Variants in SHISA9 observed in about 807,000 individuals in gnomAD.
The protein encoded by SHISA9 is protein shisa-9.
A neutral mutation model predicts 38.0 loss-of-function variants in SHISA9; 13 were observed. The observed-to-expected ratio is 0.34, with a 90% CI of 0.22 to 0.54. SHISA9 has a LOEUF of 0.54. Ranked by LOEUF, SHISA9 falls within the 20% of genes least tolerant of loss-of-function variation. The pLI is 0.91. For synonymous variants in SHISA9, 275 were observed against 242.0 expected (o/e 1.14, Z -1.27); for missense variants, 538 against 575.8 (o/e 0.93, Z 0.67).
chr16:13,561,071 C>T, the SHISA9 span, among the ~76,000 whole-genome samples: 3 of 152,114 alleles, frequency 2.0e-5, no homozygotes, highest in African/African-American at 7.2e-5. Flanking sequence ...ACCATGTTGG[C>T]CAGGCTGGTC....
intron 2 of SHISA9, among the ~76,000 whole-genome samples, chr16:13,108,971 G>C (rs251921): frequency 0.63 from 95,563 of 152,046 alleles, 31,096 homozygotes; most frequent in African/African-American, 0.78. Flanking sequence ...TTCTCCAGGG[G>C]TGTGACAGGT....
At chr16:13,497,685 C>CAA in the SHISA9 span, among the ~76,000 whole-genome samples, 425 of 106,210 alleles carry the variant, frequency 4.0e-3, 7 homozygotes, top group East Asian at 0.026. Flanking sequence ...ACTCCGTCTC[C>CAA]AAAAAAAAAA....
chr16:13,535,706 C>T, the SHISA9 span, among the ~76,000 whole-genome samples: 3 of 132,112 alleles, frequency 2.3e-5, no homozygotes, highest in South Asian at 7.5e-4. Flanking sequence ...TCCTGGCCTC[C>T]TTCTTGGTAG....
chr16:12,913,560 A>G (rs117236607), intron 1 of SHISA9, among the ~76,000 whole-genome samples: 3,595 of 152,250 alleles, frequency 0.024, 65 homozygotes, highest in Non-Finnish European at 0.038. Context: ...TAATACTTAC[A>G]AAGTTGTGCC....
At chr16:13,232,892 T>C (rs1218908480) in intron 4 of SHISA9, among the ~76,000 whole-genome samples, 3 of 152,182 alleles carry the variant, frequency 2.0e-5, no homozygotes, top group Non-Finnish European at 4.4e-5. Context: ...TATTTAGACT[T>C]TTAAAAGGTG....
At chr16:13,328,022 G>A in the SHISA9 span, among the ~76,000 whole-genome samples, 8 of 152,188 alleles carry the variant, frequency 5.3e-5, no homozygotes, top group Admixed American at 2.0e-4. Flanking sequence ...AACATCATGC[G>A]CATTTATTAG....
At chr16:13,345,316 CT>C in the SHISA9 span, among the ~76,000 whole-genome samples, 1 of 152,112 alleles carries the variant, frequency 6.6e-6, no homozygotes, top group African/African-American at 2.4e-5. Flanking sequence ...TTCATGTGTT[CT>C]CATCATTTAG....
chr16:13,405,216 C>A, the SHISA9 span, among the ~76,000 whole-genome samples: 5 of 152,194 alleles, frequency 3.3e-5, no homozygotes, highest in Admixed American at 6.5e-5. Context: ...ATCTTCTAGT[C>A]AATTCCGAAT....
chr16:13,500,018 T>G, the SHISA9 span, among the ~76,000 whole-genome samples: 1 of 152,146 alleles, frequency 6.6e-6, no homozygotes, highest in East Asian at 1.9e-4. Context: ...CAGCGTGGTG[T>G]GATAGATGCT....
At chr16:13,320,074 C>T in the SHISA9 span, among the ~76,000 whole-genome samples, 4 of 151,764 alleles carry the variant, frequency 2.6e-5, no homozygotes, top group East Asian at 1.9e-4. Context: ...GGGCAGATCA[C>T]GAGGTCAGGA....
At chr16:13,184,868 T>C (rs921602981) in intron 2 of SHISA9, among the ~76,000 whole-genome samples, 9 of 152,242 alleles carry the variant, frequency 5.9e-5, no homozygotes, top group Non-Finnish European at 1.0e-4. Flanking sequence ...GTGCTCAGTT[T>C]TTGGCAATTA....
At chr16:13,242,968 C>T (rs576744440), downstream of SHISA9, among the ~76,000 whole-genome samples, 9 of 152,014 alleles carry the variant, frequency 5.9e-5, no homozygotes, top group South Asian at 6.2e-4. Flanking sequence ...CGGCCAGGCA[C>T]GGTGGCTCAT....
intron 1 of SHISA9, among the ~76,000 whole-genome samples, chr16:12,905,283 T>C (rs2071078006): frequency 6.6e-6 from 1 of 152,228 alleles, no homozygotes; most frequent in Non-Finnish European, 1.5e-5. Flanking sequence ...AAATTATGCA[T>C]TACCAGTCTC....
chr16:13,042,151 G>T (rs1223753945), intron 2 of SHISA9, among the ~76,000 whole-genome samples: 1 of 152,092 alleles, frequency 6.6e-6, no homozygotes, highest in African/African-American at 2.4e-5. Flanking sequence ...TGATCTGTTG[G>T]GTAGACAGTC....
intron 2 of SHISA9, among the ~76,000 whole-genome samples, chr16:13,148,263 C>T (rs944980888): frequency 2.6e-5 from 4 of 152,090 alleles, no homozygotes; most frequent in South Asian, 2.1e-4. Context: ...ATATTCCCCA[C>T]GCTCCGTGAA....
At chr16:13,085,222 A>G (rs2073697308) in intron 2 of SHISA9, among the ~76,000 whole-genome samples, 1 of 152,142 alleles carries the variant, frequency 6.6e-6, no homozygotes, top group Admixed American at 6.6e-5. Context: ...AGTTGAGACT[A>G]TTTCTCTATA....
intron 2 of SHISA9, among the ~76,000 whole-genome samples, chr16:12,989,344 A>AT (rs1421906652): frequency 3.3e-5 from 5 of 151,710 alleles, no homozygotes; most frequent in African/African-American, 1.2e-4. Context: ...TGCCTGGCTA[A>AT]TTTTTGTATT....
At chr16:13,471,761 G>A in the SHISA9 span, among the ~76,000 whole-genome samples, 3 of 152,156 alleles carry the variant, frequency 2.0e-5, no homozygotes, top group African/African-American at 4.8e-5. Flanking sequence ...CTAGCCCACC[G>A]TGAGTAACAC....
At chr16:13,208,446 T>TC (rs1222271889) in intron 3 of SHISA9, among the ~76,000 whole-genome samples, 1 of 147,740 alleles carries the variant, frequency 6.8e-6, no homozygotes, top group African/African-American at 2.5e-5. Flanking sequence ...TTTTTTTCTT[T>TC]TTTTTTTTTT....
Sources: allele counts gnomAD v4.1 joint callset (sites outside exome capture counted in the v4.1 genomes callset), GRCh38; gene constraint gnomAD v4.1.1; transcripts MANE v1.5; gene names NCBI Gene and HGNC (gene_info 2026-07-23, HGNC 2026-07-21).